DISC1: variants seen among roughly 807,000 people sequenced by gnomAD.
DISC1 encodes disrupted in schizophrenia 1 protein.
In DISC1, 57 loss-of-function variants were observed where a neutral mutation model predicts 84.5. The observed-to-expected ratio is 0.67, with a 90% CI of 0.55 to 0.84. The LOEUF (loss-of-function observed/expected upper bound fraction) is 0.84, where lower values mean the gene tolerates loss of function less well. DISC1 is among the 40% of genes least tolerant of loss of function. The pLI is 0.00. For synonymous variants in DISC1, 411 were observed against 415.2 expected, an observed-to-expected ratio of 0.99 and a Z score of 0.12; for missense variants, 1,000 against 1,057.8, an observed-to-expected ratio of 0.95 and a Z score of 0.76.
At chr1:231,784,120 G>T (rs575517372) in intron 6 of DISC1, among the ~76,000 whole-genome samples, 1 of 151,970 alleles carries the variant, frequency 6.6e-6, no homozygotes, top group Non-Finnish European at 1.5e-5. Flanking sequence ...AAAATTATCC[G>T]GGCATGGTGG....
At chr1:231,720,128 A>T (rs1427642423) in intron 3 of DISC1, among the ~76,000 whole-genome samples, 1 of 151,944 alleles carries the variant, frequency 6.6e-6, no homozygotes, top group East Asian at 1.9e-4. Context: ...AGGGATGACT[A>T]CTCCCTAAGT....
intron 9 of DISC1, among the ~76,000 whole-genome samples, chr1:231,852,783 A>G (rs181182569): frequency 1.6e-3 from 247 of 152,278 alleles, no homozygotes; most frequent in Non-Finnish European, 2.2e-3. Flanking sequence ...AGTTGGGGAG[A>G]GAGATGGTGG....
At chr1:231,920,018 AG>A (rs563358627) in intron 9 of DISC1, among the ~76,000 whole-genome samples, 3 of 152,132 alleles carry the variant, frequency 2.0e-5, no homozygotes, top group South Asian at 4.1e-4. Context: ...TCTTTGCTGT[AG>A]GGGGTGTCCC....
chr1:231,682,784 C>T (rs112130659), intron 1 of DISC1, among the ~76,000 whole-genome samples: 4 of 152,176 alleles, frequency 2.6e-5, no homozygotes, highest in Non-Finnish European at 5.9e-5. Flanking sequence ...TATTAAGACT[C>T]AAAAATGAAT....
At chr1:231,635,389 C>A (rs776778293) in intron 1 of DISC1, among the ~76,000 whole-genome samples, 2 of 151,828 alleles carry the variant, frequency 1.3e-5, no homozygotes, top group Non-Finnish European at 2.9e-5. Flanking sequence ...CCAATCTGAA[C>A]GCATCAAAAT....
chr1:231,668,510 T>A (rs2062240566), intron 1 of DISC1, among the ~76,000 whole-genome samples: 1 of 152,024 alleles, frequency 6.6e-6, no homozygotes, highest in African/African-American at 2.4e-5. Flanking sequence ...ATTTTCAGAG[T>A]CACAAGGACA....
At chr1:231,932,653 A>G (rs2090736618) in intron 9 of DISC1, among the ~76,000 whole-genome samples, 1 of 152,098 alleles carries the variant, frequency 6.6e-6, no homozygotes, top group Non-Finnish European at 1.5e-5. Context: ...GTCAGTGTAC[A>G]TGGCATTTCT....
At position 232,041,185 on chromosome 1, in the gene DISC1, G is replaced by C. The variant is rs1328029282; in HGVS notation, c.*4354G>C. Reference sequence around the variant, plus strand: ...GTATGGATGATAGAAAAATGTATCAGGTTTATTCATCTCATCTTTCTGTTA... The same window carrying C: ...GTATGGATGATAGAAAAATGTATCACGTTTATTCATCTCATCTTTCTGTTA... On this transcript the variant is annotated 3_prime_UTR_variant, in exon 13 of 13. Coordinates refer to ENST00000439617, the MANE Select transcript of DISC1 (RefSeq NM_018662.3). 1.3e-5 allele frequency: 2 copies of C among 152,042 alleles called. No homozygotes were observed. Among genetic ancestry groups the C allele is most frequent in the Non-Finnish European group, 2.9e-5 (2 of 68,008 alleles). 9.4% of individuals were successfully genotyped at this position (152,042 alleles called of 1,614,324 possible). A position where few individuals can be genotyped will look rare whatever the true frequency, so the allele number is the denominator to read the frequency against.
Position 231,830,110 on chromosome 1 carries a change from A to G in DISC1, c.1981+11593A>G, listed in dbSNP as rs199633712. Reference sequence around the variant, plus strand: ...TTCCTGTCTTCTTATATTAATAAGAAAAATAAAATGAAATGGTGGTAAAGT... The same window carrying G: ...TTCCTGTCTTCTTATATTAATAAGAGAAATAAAATGAAATGGTGGTAAAGT... On this transcript the variant is annotated intron_variant, in intron 9 of 12. Transcript: ENST00000439617. Among the ~76,000 whole-genome samples the G allele has an allele frequency of 6.8e-5, 10 of 146,714 alleles. No homozygotes were observed. In the East Asian group the frequency reaches 1.9e-3, roughly 28 times the overall value.
intron 1 of DISC1, among the ~76,000 whole-genome samples, chr1:231,690,322 C>T (rs2064842378): frequency 6.6e-6 from 1 of 152,202 alleles, no homozygotes; most frequent in African/African-American, 2.4e-5. Context: ...GAAAGCTGCG[C>T]CAGGCTCCCT....
At chr1:231,996,206 A>G (rs1665930809) in intron 10 of DISC1, among the ~76,000 whole-genome samples, 1 of 151,664 alleles carries the variant, frequency 6.6e-6, no homozygotes, top group Non-Finnish European at 1.5e-5. Flanking sequence ...TTTTCTTGTA[A>G]ATTTGTTTGT....
At chr1:231,818,857 G>A in intron 9 of DISC1, 1 of 1,112,862 alleles carries the variant, frequency 9.0e-7, no homozygotes, top group Non-Finnish European at 1.1e-6. Flanking sequence ...TTTGTCCCTT[G>A]GCTCCGTCTC....
chr1:231,801,470 C>T (rs1306473299), intron 8 of DISC1, among the ~76,000 whole-genome samples: 24 of 152,176 alleles, frequency 1.6e-4, no homozygotes, highest in Admixed American at 1.6e-3. Flanking sequence ...AGGGAAAATG[C>T]CCAAGATGGT....
intron 9 of DISC1, chr1:231,866,673 G>A: frequency 6.9e-7 from 1 of 1,447,358 alleles, no homozygotes; most frequent in Non-Finnish European, 9.2e-7. Context: ...GGGCATTGAA[G>A]AGACATGATG....
Position 231,907,131 on chromosome 1 carries a change from CTCTTTCTTTCTT to C in DISC1, c.1982-51669_1982-51658del, listed in dbSNP as rs1258067740. Among the ~76,000 whole-genome samples the C allele has an allele frequency of 1.7e-3, 160 of 93,170 alleles. 7 individuals are homozygous for C. Among genetic ancestry groups the C allele is most frequent in the Middle Eastern group, 0.017 (3 of 178 alleles). The allele number at this position is 93,170 out of a possible 152,430, so 61.1% of individuals were successfully genotyped here. On this transcript the variant is annotated intron_variant, in intron 9 of 12. Coordinates refer to ENST00000439617, the MANE Select transcript of DISC1 (RefSeq NM_018662.3). The stretch of plus-strand genomic sequence containing the variant: ...CTCTCCTTCCTTCCTTCCTTCCTTC[CTCTTTCTTTCTT>C]TCTTTCTTTCTTTCTTTCTTTCTTT...
Position 231,735,396 on chromosome 1 carries a change from A to G in DISC1, c.1118-14530A>G, listed in dbSNP as rs2072346528. Among the ~76,000 whole-genome samples, 4 of 152,278 alleles carry G rather than the reference A, an allele frequency of 2.6e-5. No homozygotes were observed. In the South Asian group the frequency reaches 8.3e-4, roughly 32 times the overall value. On this transcript the variant is annotated intron_variant, in intron 3 of 12. Coordinates refer to ENST00000439617, the MANE Select transcript of DISC1 (RefSeq NM_018662.3). ...TTTTTTTTGTTTGTTTCTGTTGGCT[A>G]CTGAATACTTCCTATGGGAAAGAGG...
intron 7 of DISC1, among the ~76,000 whole-genome samples, chr1:231,797,174 G>A (rs1230320036): frequency 6.6e-6 from 1 of 152,128 alleles, no homozygotes; most frequent in Non-Finnish European, 1.5e-5. Context: ...ATACAGGTGT[G>A]CCTATTATAT....
chr1:231,948,533 A>T (rs879105117), intron 9 of DISC1, among the ~76,000 whole-genome samples: 1 of 151,988 alleles, frequency 6.6e-6, no homozygotes, highest in East Asian at 1.9e-4. Context: ...GCAGCAAAAC[A>T]CCGTGGCACG....
At chr1:231,730,597 TA>T (rs1158620633) in intron 3 of DISC1, among the ~76,000 whole-genome samples, 4 of 152,216 alleles carry the variant, frequency 2.6e-5, no homozygotes, top group Non-Finnish European at 5.9e-5. Context: ...CAGTTACTGT[TA>T]ATATGGAATT....
Sources: gnomAD v4.1 joint callset for allele counts (sites outside exome capture counted in the v4.1 genomes callset) on GRCh38, gnomAD v4.1.1 for gene constraint, MANE v1.5 for transcripts, NCBI Gene and HGNC (gene_info 2026-07-23, HGNC 2026-07-21) for gene names.